Variants in CD8A observed in about 807,000 individuals in gnomAD.
CD8A encodes CD8 subunit alpha.
In CD8A, 25 loss-of-function variants were observed where a neutral mutation model predicts 24.2. The observed-to-expected ratio is 1.03, with a 90% CI of 0.75 to 1.44. The LOEUF (loss-of-function observed/expected upper bound fraction) is 1.44, where lower values mean the gene tolerates loss of function less well. CD8A is among the 40% of genes most tolerant of loss of function. CD8A has a pLI of 0.00. For missense variants in CD8A, 360 were observed against 319.7 expected, an observed-to-expected ratio of 1.13 and a Z score of -0.96; for synonymous variants, 165 against 149.9, an observed-to-expected ratio of 1.10 and a Z score of -0.74.
chr2:86,803,615 A>C (rs1409485094), intron 2 of CD8A, among the ~76,000 whole-genome samples: 3 of 152,196 alleles, frequency 2.0e-5, no homozygotes, highest in Non-Finnish European at 4.4e-5. Context: ...GCAGTGGCGC[A>C]ATTTTGGCTC....
At chr2:86,787,927 G>A (rs1573458155) in intron 5 of CD8A, among the ~76,000 whole-genome samples, 1 of 151,844 alleles carries the variant, frequency 6.6e-6, no homozygotes, top group East Asian at 1.9e-4. Flanking sequence ...GTGTGTGTGT[G>A]ATCATGGGCT....
intron 5 of CD8A, among the ~76,000 whole-genome samples, chr2:86,786,378 G>A (rs1426026342): frequency 6.6e-6 from 1 of 152,230 alleles, no homozygotes; most frequent in Non-Finnish European, 1.5e-5. Flanking sequence ...GACAGGGAGA[G>A]AGGAGGATGT....
rs910881635 is a variant in CD8A at position 86,790,355 on chromosome 2, T to G, written c.376A>C (p.Ser126Arg). 4 of 1,613,812 alleles carry G rather than the reference T, an allele frequency of 2.5e-6. No homozygotes were observed. Among genetic ancestry groups the G allele is most frequent in the Non-Finnish European group, 3.4e-6 (4 of 1,179,910 alleles). ...GGCAGGAAGACCGGCACGAAGTGGCTGAAGTACATGATGGAGTTGCTCAGG... is the reference window on the plus strand; with the variant it reads ...GGCAGGAAGACCGGCACGAAGTGGCGGAAGTACATGATGGAGTTGCTCAGG... Reference protein sequence around the residue: ...SALSNSIMYFSHFVPVFLPAK... With the variant: ...SALSNSIMYFRHFVPVFLPAK... The change falls in exon 2 of 6, where the codon AGC becomes CGC. Residue 126 changes from serine (S) to arginine (R), a missense_variant. Ser to Arg is a moderately radical substitution (Grantham distance 110). Transcript: ENST00000283635.
intron 3 of CD8A, among the ~76,000 whole-genome samples, chr2:86,800,876 C>G (rs149242162): frequency 1.8e-4 from 28 of 152,270 alleles, no homozygotes; most frequent in African/African-American, 6.7e-4. Flanking sequence ...CAGAGGTAAT[C>G]AAGTTCAAAT....
At chr2:86,789,056 G>A (rs922935772) in intron 4 of CD8A, among the ~76,000 whole-genome samples, 1 of 152,186 alleles carries the variant, frequency 6.6e-6, no homozygotes, top group Non-Finnish European at 1.5e-5. Flanking sequence ...GTGCGCGCGC[G>A]CTGCGGGCTT....
chr2:86,798,593 TC>T (rs540710797), intron 3 of CD8A, among the ~76,000 whole-genome samples: 84 of 151,690 alleles, frequency 5.5e-4, no homozygotes, highest in Non-Finnish European at 8.2e-4. Context: ...TGCGATCTCA[TC>T]TCACTGCAAC....
rs1573454564 is a variant in CD8A at position 86,784,703 on chromosome 2, T to A, written c.*1217A>T. Reference sequence around the variant, plus strand: ...CAACCCTATTTAAAAAAGAAAGACATATTTTACATGTATGTGTAGAAAATA... The same window carrying A: ...CAACCCTATTTAAAAAAGAAAGACAAATTTTACATGTATGTGTAGAAAATA... On this transcript the variant is annotated 3_prime_UTR_variant, in exon 6 of 6. Coordinates refer to ENST00000283635, the MANE Select transcript of CD8A (RefSeq NM_001768.7). 4.4e-6 allele frequency: 2 copies of A among 451,748 alleles called. No homozygotes were observed. Among genetic ancestry groups the A allele is most frequent in the Non-Finnish European group, 8.9e-6 (2 of 225,420 alleles). The allele number at this position is 451,748 out of a possible 1,614,324, so 28.0% of individuals were successfully genotyped here.
chr2:86,786,929 A>G (rs1403326635), intron 5 of CD8A, among the ~76,000 whole-genome samples: 3 of 143,190 alleles, frequency 2.1e-5, no homozygotes, highest in Non-Finnish European at 3.0e-5. Context: ...TTGAGGCAGG[A>G]GAATGGCGTG....
At chr2:86,806,776 C>T (rs1673917282) in intron 2 of CD8A, among the ~76,000 whole-genome samples, 1 of 152,124 alleles carries the variant, frequency 6.6e-6, no homozygotes, top group Non-Finnish European at 1.5e-5. Context: ...CCAGCAAGGT[C>T]GTCAGTTTGC....
intron 2 of CD8A, chr2:86,807,334 G>GAAACA (rs554774393): frequency 4.6e-5 from 7 of 152,318 alleles, no homozygotes; most frequent in Non-Finnish European, 8.8e-5. Flanking sequence ...AAACAAACAA[G>GAAACA]AAACAAAACA....
At chr2:86,789,213 C>T (rs1673155489) in intron 4 of CD8A, 110 bp downstream of exon 4, 1 of 778,942 alleles carries the variant, frequency 1.3e-6, no homozygotes. Context: ...GCTCGGGAGT[C>T]CCAGAAAACT....
chr2:86,789,364 A>G lies in CD8A; in HGVS notation c.584T>C (p.Val195Ala). Reference protein sequence around the residue: ...IWAPLAGTCGVLLLSLVITLY... With the variant: ...IWAPLAGTCGALLLSLVITLY... ...GGTGATAACCAGTGACAGGAGAAGG[A>G]CCCCACAAGTCCCGGCCAAGGGCGC... The change falls in exon 4 of 6, where the codon GTC becomes GCC. Residue 195 changes from valine (V) to alanine (A), a missense_variant. Transcript: ENST00000283635. 1 of 1,613,606 alleles carries G rather than the reference A, an allele frequency of 6.2e-7. No individual in the cohort carries two copies.
At chr2:86,799,026 C>T (rs899382538) in intron 3 of CD8A, among the ~76,000 whole-genome samples, 1 of 152,074 alleles carries the variant, frequency 6.6e-6, no homozygotes, top group East Asian at 1.9e-4. Context: ...ATTTTAAATG[C>T]TGTGTGGTGT....
At position 86,785,703 on chromosome 2, in the gene CD8A, GT is replaced by G; in HGVS notation, c.*216del. 1.4e-6 allele frequency: 1 copy of G among 709,750 alleles called. No individual in the cohort carries two copies. Among genetic ancestry groups the G allele is most frequent in the Non-Finnish European group, 2.6e-6 (1 of 388,504 alleles). 44.0% of individuals were successfully genotyped at this position (709,750 alleles called of 1,614,324 possible). On this transcript the variant is annotated 3_prime_UTR_variant, in exon 6 of 6. Transcript: ENST00000283635. ...GCCCTACCGCGATGTGCGCACAACAGTATTGTGACCCTTGTGGTGTACTGTA... is the reference window on the plus strand; with the variant it reads ...GCCCTACCGCGATGTGCGCACAACAGATTGTGACCCTTGTGGTGTACTGTA...
intron 5 of CD8A, among the ~76,000 whole-genome samples, chr2:86,786,953 G>C (rs1673032707): frequency 7.5e-6 from 1 of 133,000 alleles, no homozygotes; most frequent in Non-Finnish European, 1.5e-5. Context: ...CCGGGAGGCG[G>C]AGCTTGCAGT....
upstream of CD8A, chr2:86,791,013 G>C (rs1359245560): frequency 2.7e-6 from 2 of 735,924 alleles, no homozygotes; most frequent in Non-Finnish European, 4.8e-6. Context: ...CGCGGTTGTC[G>C]CCTTCCAGCC....
chr2:86,787,986 T>C (rs1673092926), intron 5 of CD8A, among the ~76,000 whole-genome samples: 1 of 151,932 alleles, frequency 6.6e-6, no homozygotes, highest in Admixed American at 6.6e-5. Context: ...CAATTGTCCC[T>C]GCATCTCGTT....
Position 86,789,397 on chromosome 2 carries a change from TAG to T in CD8A, c.549_550del (p.Tyr184HisfsTer64). The T allele has an allele frequency of 1.9e-6, 3 of 1,613,890 alleles. No individual in the cohort carries two copies. Among genetic ancestry groups the T allele is most frequent in the Non-Finnish European group, 2.5e-6 (3 of 1,179,836 alleles). On this transcript the variant is annotated frameshift_variant, in exon 4 of 6. Coordinates refer to ENST00000283635, the MANE Select transcript of CD8A (RefSeq NM_001768.7). LOFTEE classifies it high-confidence loss of function. Reference sequence around the variant, plus strand: ...AGTCCCGGCCAAGGGCGCCCAGATGTAGATATCACAGGCGAAGTCCAGCCCCC... The same window carrying T: ...AGTCCCGGCCAAGGGCGCCCAGATGTATATCACAGGCGAAGTCCAGCCCCC...
chr2:86,786,630 T>C (rs1361903185), intron 5 of CD8A, among the ~76,000 whole-genome samples: 6 of 152,126 alleles, frequency 3.9e-5, no homozygotes, highest in African/African-American at 1.4e-4. Flanking sequence ...AGAACTTTAT[T>C]CTCAGTTATT....
Sources: allele counts gnomAD v4.1 joint callset (sites outside exome capture counted in the v4.1 genomes callset), GRCh38; gene constraint gnomAD v4.1.1; transcripts MANE v1.5; gene names NCBI Gene and HGNC (gene_info 2026-07-23, HGNC 2026-07-21).